Variants in PCDH15 observed in about 807,000 individuals in gnomAD.
The protein encoded by PCDH15 is protocadherin related 15.
In PCDH15, 129 loss-of-function variants were observed where a neutral mutation model predicts 178.5. The ratio of observed to expected loss-of-function variants is 0.72; its 90% CI spans 0.63 to 0.84. The LOEUF (loss-of-function observed/expected upper bound fraction) is 0.84. PCDH15 is among the 40% of genes least tolerant of loss of function. PCDH15 has a pLI of 0.00. For missense variants in PCDH15, 2,230 were observed against 2,099.9 expected (o/e 1.06, Z -1.21); for synonymous variants, 800 against 732.0 (o/e 1.09, Z -1.50).
chr10:54,979,459 A>G lies in PCDH15; in HGVS notation c.-79-81959T>C, dbSNP rs1839162670. Among the ~76,000 whole-genome samples the G allele has an allele frequency of 2.6e-5, 4 of 152,070 alleles. No individual in the cohort carries two copies. The South Asian group carries it at 8.3e-4, about 31-fold the overall frequency. ...CAAGGTAGGCAAATCACCTGACGTCAGGAGTTCAAGACCAGCCTGGCCAAC... is the reference window on the plus strand; with the variant it reads ...CAAGGTAGGCAAATCACCTGACGTCGGGAGTTCAAGACCAGCCTGGCCAAC... On this transcript the variant is annotated intron_variant, in intron 2 of 5. Coordinates refer to the PCDH15 transcript ENST00000458638.
At chr10:55,554,562 A>C (rs1842054661) in intron 2 of PCDH15, among the ~76,000 whole-genome samples, 1 of 152,046 alleles carries the variant, frequency 6.6e-6, no homozygotes, top group South Asian at 2.1e-4. Context: ...GACATTTTTT[A>C]ATCAAACACG....
intron 2 of PCDH15, among the ~76,000 whole-genome samples, chr10:54,587,585 T>C (rs2091582623): frequency 6.6e-6 from 1 of 151,890 alleles, no homozygotes; most frequent in South Asian, 2.1e-4. Flanking sequence ...CTTAACAATA[T>C]TGAAAGCATC....
chr10:54,754,678 G>A (rs183816710), intron 1 of PCDH15, among the ~76,000 whole-genome samples: 1 of 151,986 alleles, frequency 6.6e-6, no homozygotes, highest in African/African-American at 2.4e-5. Context: ...GATTACCTTA[G>A]ATTCCAATTC....
chr10:54,235,107 T>C (rs567721231), intron 9 of PCDH15, among the ~76,000 whole-genome samples: 80 of 152,326 alleles, frequency 5.3e-4, no homozygotes, highest in South Asian at 1.4e-3. Context: ...CTGTAAGCCT[T>C]TGCTAACAGC....
At chr10:54,557,581 G>C (rs181706753) in intron 2 of PCDH15, among the ~76,000 whole-genome samples, 4 of 152,220 alleles carry the variant, frequency 2.6e-5, no homozygotes. Context: ...CAGGAACACT[G>C]AACAATTTCA....
intron 29 of PCDH15, among the ~76,000 whole-genome samples, chr10:53,835,087 TTAAC>T (rs1433727668): frequency 2.6e-5 from 4 of 152,210 alleles, no homozygotes; most frequent in Non-Finnish European, 5.9e-5. Flanking sequence ...TCATAACTGT[TTAAC>T]TAGATTCTAA....
At chr10:55,550,798 A>C (rs1411175552) in intron 2 of PCDH15, among the ~76,000 whole-genome samples, 2 of 152,114 alleles carry the variant, frequency 1.3e-5, no homozygotes, top group African/African-American at 2.4e-5. Flanking sequence ...AATATTTGCC[A>C]TCCTTGTAAT....
rs560045658 is a variant in PCDH15 at position 54,405,698 on chromosome 10, T to TA, written c.158-26757dup. Among the ~76,000 whole-genome samples the TA allele has an allele frequency of 5.5e-3, 778 of 142,026 alleles. 4 individuals are homozygous for TA. Among genetic ancestry groups the TA allele is most frequent in the Middle Eastern group, 0.017 (5 of 286 alleles). The allele number at this position is 142,026 out of a possible 152,430, so 93.2% of individuals were successfully genotyped here. On this transcript the variant is annotated intron_variant, in intron 3 of 37. Coordinates refer to ENST00000644397, the MANE Select transcript of PCDH15 (RefSeq NM_001384140.1). ...CCTGAACATAAAATAAAAGTTAAAT[T>TA]AAAAAAAAAAACTAAAAATTACATG...
intron 3 of PCDH15, among the ~76,000 whole-genome samples, chr10:54,443,309 A>C (rs2075950959): frequency 6.6e-6 from 1 of 151,464 alleles, no homozygotes; most frequent in African/African-American, 2.4e-5. Flanking sequence ...TGTCTGACAT[A>C]TTCTTCAACT....
At chr10:53,851,119 C>T (rs2078328585) in intron 28 of PCDH15, among the ~76,000 whole-genome samples, 2 of 152,012 alleles carry the variant, frequency 1.3e-5, no homozygotes, top group African/African-American at 4.8e-5. Flanking sequence ...TGTGCCTCTT[C>T]CTCTCTCATA....
intron 3 of PCDH15, among the ~76,000 whole-genome samples, chr10:54,502,868 G>C (rs2080824656): frequency 1.3e-5 from 2 of 152,056 alleles, no homozygotes; most frequent in South Asian, 2.1e-4. Context: ...TTATGAGATT[G>C]TAAATCTCTT....
At chr10:54,515,295 C>A (rs188685635) in intron 3 of PCDH15, among the ~76,000 whole-genome samples, 1 of 152,194 alleles carries the variant, frequency 6.6e-6, no homozygotes, top group Non-Finnish European at 1.5e-5. Flanking sequence ...ACTTTTCCAA[C>A]GGGCTTAAAA....
At chr10:55,083,133 T>C (rs982592283) in intron 2 of PCDH15, among the ~76,000 whole-genome samples, 10 of 151,748 alleles carry the variant, frequency 6.6e-5, no homozygotes, top group Middle Eastern at 3.4e-3. Context: ...CTGATGAATA[T>C]TGATGAAAAA....
intron 25 of PCDH15, among the ~76,000 whole-genome samples, chr10:53,937,837 C>G (rs1338509556): frequency 6.6e-6 from 1 of 151,938 alleles, no homozygotes; most frequent in Non-Finnish European, 1.5e-5. Context: ...CTTCTTTTTC[C>G]CTCTTCTCCC....
At chr10:54,536,090 T>A (rs1296141029) in intron 2 of PCDH15, among the ~76,000 whole-genome samples, 5 of 152,204 alleles carry the variant, frequency 3.3e-5, no homozygotes, top group African/African-American at 4.8e-5. Context: ...GGTGTAATAT[T>A]ACCACTGACA....
At chr10:55,551,698 C>T (rs2132088554) in intron 2 of PCDH15, among the ~76,000 whole-genome samples, 1 of 151,798 alleles carries the variant, frequency 6.6e-6, no homozygotes, top group East Asian at 1.9e-4. Flanking sequence ...TTCAATATAA[C>T]TGTAGTAACT....
At chr10:55,206,356 A>G (rs1840401981) in intron 1 of PCDH15, among the ~76,000 whole-genome samples, 1 of 152,116 alleles carries the variant, frequency 6.6e-6, no homozygotes. Context: ...GTGATAAAAG[A>G]TCACTACTTT....
chr10:53,994,079 A>C (rs1258703119), intron 21 of PCDH15, among the ~76,000 whole-genome samples: 1 of 152,218 alleles, frequency 6.6e-6, no homozygotes, highest in East Asian at 1.9e-4. Context: ...CTCTTTACAT[A>C]AATACTTACG....
intron 2 of PCDH15, among the ~76,000 whole-genome samples, chr10:55,330,878 G>A (rs1490957500): frequency 6.6e-6 from 1 of 151,162 alleles, no homozygotes; most frequent in Non-Finnish European, 1.5e-5. Flanking sequence ...GTATGTGTAT[G>A]TGTATGAGGG....
Sources: gnomAD v4.1 joint callset for allele counts (sites outside exome capture counted in the v4.1 genomes callset) on GRCh38, gnomAD v4.1.1 for gene constraint, MANE v1.5 for transcripts, NCBI Gene and HGNC (gene_info 2026-07-23, HGNC 2026-07-21) for gene names.